The following CD2AP variants were observed in gnomAD, a reference collection of about 807,000 sequenced individuals.
The protein encoded by CD2AP is CD2-associated protein.
CD2AP carries 46 observed loss-of-function variants against 85.1 expected under a neutral mutation model. The observed-to-expected ratio is 0.54, with a 90% CI of 0.43 to 0.69. CD2AP has a LOEUF of 0.69. Ranked by LOEUF, CD2AP falls within the 30% of genes least tolerant of loss-of-function variation. The probability of loss-of-function intolerance (pLI) is 0.00; values close to 1 mark genes in which losing one functional copy is unlikely to be tolerated. For synonymous variants in CD2AP, 255 were observed against 252.9 expected, an observed-to-expected ratio of 1.01 and a Z score of -0.08; for missense variants, 769 against 729.5, an observed-to-expected ratio of 1.05 and a Z score of -0.62.
chr6:47,540,696 G>T (rs370345124), intron 3 of CD2AP, among the ~76,000 whole-genome samples: 41 of 152,226 alleles, frequency 2.7e-4, no homozygotes, highest in African/African-American at 9.9e-4. Context: ...ACTTGCCTGG[G>T]TTGGGGCTAA....
rs144912461 is a variant in CD2AP at position 47,576,586 on chromosome 6, C to T, written c.792C>T (p.Thr264=). The T allele has an allele frequency of 1.2e-4, 190 of 1,609,384 alleles. No individual in the cohort carries two copies. The highest frequency in any genetic ancestry group is 1.7e-4 in the Middle Eastern group (1 of 6,050). ...GTGTGGAGATAACAAAAACAGATAC[C>T]GAAGGTAAAATTAAAGGTATGTTTT... is the stretch of plus-strand genomic sequence containing the variant. ...TQSVEITKTD[T]EGKIKAKEYC... is the part of the protein sequence containing the mutation. The change falls in exon 7 of 18, where the codon ACC becomes ACT. Residue 264 remains threonine, a synonymous_variant. Coordinates refer to ENST00000359314, the MANE Select transcript of CD2AP (RefSeq NM_012120.3).
chr6:47,525,592 A>C (rs1358791865), intron 2 of CD2AP, among the ~76,000 whole-genome samples: 1 of 152,160 alleles, frequency 6.6e-6, no homozygotes, highest in South Asian at 2.1e-4. Flanking sequence ...ATATTACAAC[A>C]TGAAGGAGTG....
chr6:47,508,492 G>A (rs930210622), intron 2 of CD2AP, among the ~76,000 whole-genome samples: 4 of 150,424 alleles, frequency 2.7e-5, no homozygotes, highest in African/African-American at 4.9e-5. Context: ...GGGAAAAGTT[G>A]TGGCTGGTTT....
rs1313751551 is a variant in CD2AP, at chr6:47,625,496, T to C, written c.*1269T>C. ...GAGTTACTTATGAACAGTTGAATGCTTTAAAATGTTCTGTCTGTAGGTAAC... is the reference window on the plus strand; with the variant it reads ...GAGTTACTTATGAACAGTTGAATGCCTTAAAATGTTCTGTCTGTAGGTAAC... On this transcript the variant is annotated 3_prime_UTR_variant, in exon 18 of 18. Coordinates refer to ENST00000359314, the MANE Select transcript of CD2AP (RefSeq NM_012120.3). 6.6e-6 allele frequency: 1 copy of C among 151,954 alleles called. No individual in the cohort carries two copies. The highest frequency in any genetic ancestry group is 1.5e-5 in the Non-Finnish European group (1 of 67,784). The allele number at this position is 151,954 out of a possible 1,614,324, so 9.4% of individuals were successfully genotyped here. A position where few individuals can be genotyped will look rare whatever the true frequency, so the allele number is the denominator to read the frequency against.
chr6:47,482,626 C>A (rs947303781), intron 1 of CD2AP, among the ~76,000 whole-genome samples: 1 of 152,106 alleles, frequency 6.6e-6, no homozygotes, highest in Non-Finnish European at 1.5e-5. Context: ...AATCTGCCCC[C>A]CTCAGCCTTC....
At chr6:47,525,377 C>G (rs2114012474) in intron 2 of CD2AP, among the ~76,000 whole-genome samples, 1 of 152,150 alleles carries the variant, frequency 6.6e-6, no homozygotes, top group African/African-American at 2.4e-5. Flanking sequence ...TTAGCTTAAG[C>G]AGAATTATTA....
At chr6:47,529,484 C>A (rs7349916) in intron 2 of CD2AP, among the ~76,000 whole-genome samples, 5 of 152,120 alleles carry the variant, frequency 3.3e-5, no homozygotes, top group Non-Finnish European at 7.3e-5. Context: ...GGGATGGTTC[C>A]TACCTGGCAC....
chr6:47,615,841 A>G (rs1375362925), intron 17 of CD2AP, among the ~76,000 whole-genome samples: 2 of 142,258 alleles, frequency 1.4e-5, no homozygotes, highest in Non-Finnish European at 3.1e-5. Context: ...TAGCAGTGGT[A>G]CGAACTCGGC....
intron 13 of CD2AP, among the ~76,000 whole-genome samples, chr6:47,602,910 A>C (rs1440052820): frequency 8.6e-5 from 13 of 150,538 alleles, no homozygotes; most frequent in Admixed American, 6.6e-4. Context: ...AAAAATAAAC[A>C]AAAAAAAAGC....
At chr6:47,489,967 C>CTTTTTT in intron 1 of CD2AP, among the ~76,000 whole-genome samples, 1 of 121,700 alleles carries the variant, frequency 8.2e-6, no homozygotes, top group Non-Finnish European at 1.7e-5. Context: ...TCTAAAGAGA[C>CTTTTTT]TTTTTTTTTT....
Position 47,554,834 on chromosome 6 carries a change from G to T in CD2AP, c.541+68G>T, listed in dbSNP as rs566853138. On this transcript the variant is annotated intron_variant, in intron 5 of 17. Transcript: ENST00000359314. ...TATATAGCATCTAGTGTTTTATTTT[G>T]TATTTTTTGAAACTCTGTTCTTTCT... 28 of 1,432,654 alleles carry T rather than the reference G, an allele frequency of 2.0e-5. No individual in the cohort carries two copies. The African/African-American group carries it at 2.6e-4, about 13-fold the overall frequency. The allele number at this position is 1,432,654 out of a possible 1,614,324, so 88.7% of individuals were successfully genotyped here.
At chr6:47,526,339 T>C (rs1408498100) in intron 2 of CD2AP, among the ~76,000 whole-genome samples, 1 of 152,146 alleles carries the variant, frequency 6.6e-6, no homozygotes, top group Non-Finnish European at 1.5e-5. Flanking sequence ...TTTACCTTAT[T>C]TGTAATTTTG....
At chr6:47,523,677 T>C (rs923732055) in intron 2 of CD2AP, among the ~76,000 whole-genome samples, 5 of 152,148 alleles carry the variant, frequency 3.3e-5, no homozygotes, top group African/African-American at 9.6e-5. Context: ...GAATTTCACA[T>C]AGACTATATT....
intron 1 of CD2AP, among the ~76,000 whole-genome samples, chr6:47,484,868 A>G (rs186016860): frequency 6.6e-6 from 1 of 152,162 alleles, no homozygotes; most frequent in Admixed American, 6.5e-5. Flanking sequence ...GAATGCAATC[A>G]TGAGCCCCTT....
chr6:47,486,609 CAA>C (rs1024690984), intron 1 of CD2AP, among the ~76,000 whole-genome samples: 20 of 152,084 alleles, frequency 1.3e-4, no homozygotes, highest in African/African-American at 4.8e-4. Flanking sequence ...CCACTTCTGG[CAA>C]AGAGTCTTTA....
chr6:47,500,654 C>T (rs1244664231), intron 1 of CD2AP, among the ~76,000 whole-genome samples: 4 of 151,988 alleles, frequency 2.6e-5, no homozygotes, highest in Non-Finnish European at 4.4e-5. Context: ...ATTAAGTATC[C>T]GCTGTTTTTC....
At chr6:47,551,394 G>A (rs1767519871) in intron 4 of CD2AP, among the ~76,000 whole-genome samples, 1 of 152,094 alleles carries the variant, frequency 6.6e-6, no homozygotes, top group Non-Finnish European at 1.5e-5. Flanking sequence ...AACTTAGATT[G>A]TGTTTATACA....
At chr6:47,509,652 T>C (rs1345814261) in intron 2 of CD2AP, among the ~76,000 whole-genome samples, 1 of 152,200 alleles carries the variant, frequency 6.6e-6, no homozygotes, top group Non-Finnish European at 1.5e-5. Context: ...TGATCTATAA[T>C]AGATTGTCAT....
rs530887726 is a variant in CD2AP at position 47,572,696 on chromosome 6, T to G, written c.542-1368T>G. Among the ~76,000 whole-genome samples the G allele has an allele frequency of 3.3e-5, 5 of 152,200 alleles. No homozygotes were observed. In the South Asian group the frequency reaches 6.2e-4, roughly 19 times the overall value. On this transcript the variant is annotated intron_variant, in intron 5 of 17. Coordinates refer to ENST00000359314, the MANE Select transcript of CD2AP (RefSeq NM_012120.3). ...TAGAATTCACTTCAAAAATTGACTT[T>G]GTTACTGACTACCTGTAGGTCCCTG...
Sources: gnomAD v4.1 joint callset for allele counts (sites outside exome capture counted in the v4.1 genomes callset) on GRCh38, gnomAD v4.1.1 for gene constraint, MANE v1.5 for transcripts, NCBI Gene and HGNC (gene_info 2026-07-23, HGNC 2026-07-21) for gene names.